The following CDH13 variants were observed in gnomAD, a reference collection of about 807,000 sequenced individuals.
CDH13 encodes the protein cadherin-13.
A neutral mutation model predicts 63.8 loss-of-function variants in CDH13; 24 were observed. The ratio of observed to expected loss-of-function variants is 0.38; its 90% CI spans 0.27 to 0.53. CDH13 has a LOEUF of 0.53. Among genes scored for constraint, CDH13 ranks in the 20% least tolerant of loss-of-function variants. The pLI, the probability that CDH13 is intolerant of heterozygous loss-of-function variation, is 0.85. For missense variants in CDH13, 1,049 were observed against 903.1 expected (o/e 1.16, Z -2.07); for synonymous variants, 503 against 355.3 (o/e 1.42, Z -4.67).
intron 2 of CDH13, among the ~76,000 whole-genome samples, chr16:82,982,440 A>G (rs1310502316): frequency 6.6e-6 from 1 of 152,172 alleles, no homozygotes; most frequent in Admixed American, 6.5e-5. Flanking sequence ...GTCCTAAAAA[A>G]TCTAAAGTGT....
chr16:82,887,320 G>T (rs2040924862), intron 2 of CDH13, among the ~76,000 whole-genome samples: 1 of 152,178 alleles, frequency 6.6e-6, no homozygotes, highest in Non-Finnish European at 1.5e-5. Flanking sequence ...GTCTAAATGA[G>T]AGTAAAGAAT....
chr16:83,046,107 C>G (rs750551503), intron 3 of CDH13, among the ~76,000 whole-genome samples: 1 of 152,204 alleles, frequency 6.6e-6, no homozygotes, highest in Non-Finnish European at 1.5e-5. Flanking sequence ...GGCCTAATCT[C>G]ATCATAGTTG....
At chr16:82,805,805 A>G (rs2037111545) in intron 1 of CDH13, among the ~76,000 whole-genome samples, 1 of 152,180 alleles carries the variant, frequency 6.6e-6, no homozygotes, top group African/African-American at 2.4e-5. Flanking sequence ...GTGCTATACC[A>G]TATCAGACAG....
intron 2 of CDH13, among the ~76,000 whole-genome samples, chr16:82,995,452 C>T (rs1912098654): frequency 6.6e-6 from 1 of 152,096 alleles, no homozygotes; most frequent in Non-Finnish European, 1.5e-5. Flanking sequence ...TCAGCTGAAA[C>T]GCAAACGTGG....
At chr16:83,655,954 T>C (rs1912831717) in intron 8 of CDH13, among the ~76,000 whole-genome samples, 1 of 152,142 alleles carries the variant, frequency 6.6e-6, no homozygotes, top group South Asian at 2.1e-4. Context: ...CCAAGGTTGG[T>C]AGGGGTGGGA....
chr16:83,170,018 T>C (rs1264059906), intron 4 of CDH13, among the ~76,000 whole-genome samples: 1 of 152,134 alleles, frequency 6.6e-6, no homozygotes, highest in Non-Finnish European at 1.5e-5. Flanking sequence ...TTCCAAATGT[T>C]ATTTTATTTT....
At chr16:83,108,327 T>TC (rs1382206007) in intron 3 of CDH13, among the ~76,000 whole-genome samples, 2 of 152,108 alleles carry the variant, frequency 1.3e-5, no homozygotes, top group African/African-American at 4.8e-5. Context: ...TGCAGAACTT[T>TC]CCCCTTAGTT....
rs149704093 is a variant in CDH13, at chr16:83,350,970, C to G, written c.781+5964C>G. On this transcript the variant is annotated intron_variant, in intron 6 of 13. Transcript: ENST00000567109. ...TTGGGACTAATGGCTATCCTGAGAG[C>G]TCAGCTTTGCTTGGAAGTTGCTATT... 1.7e-3 allele frequency among the ~76,000 whole-genome samples: 265 copies of G among 152,294 alleles called. 1 individual carries two copies. The highest frequency in any genetic ancestry group is 5.7e-3 in the African/African-American group (235 of 41,576).
At chr16:82,909,532 AACTG>A (rs1228515587) in intron 2 of CDH13, among the ~76,000 whole-genome samples, 1 of 149,190 alleles carries the variant, frequency 6.7e-6, no homozygotes, top group African/African-American at 2.4e-5. Flanking sequence ...AAATAGTTTT[AACTG>A]ACTAACAGTT....
At chr16:83,417,441 T>C in intron 6 of CDH13, among the ~76,000 whole-genome samples, 1 of 152,174 alleles carries the variant, frequency 6.6e-6, no homozygotes, top group East Asian at 1.9e-4. Flanking sequence ...ACTGTCCTCT[T>C]TATCTTAACC....
At chr16:82,800,552 A>T (rs2036800341) in intron 1 of CDH13, among the ~76,000 whole-genome samples, 1 of 152,220 alleles carries the variant, frequency 6.6e-6, no homozygotes, top group Non-Finnish European at 1.5e-5. Flanking sequence ...GTGTCATCAC[A>T]TTAACAAAGG....
At chr16:82,846,196 G>C (rs2039248400) in intron 1 of CDH13, among the ~76,000 whole-genome samples, 1 of 152,196 alleles carries the variant, frequency 6.6e-6, no homozygotes, top group South Asian at 2.1e-4. Flanking sequence ...AGGTTGTCAT[G>C]TGAAAAGTTT....
intron 7 of CDH13, among the ~76,000 whole-genome samples, chr16:83,518,876 T>C (rs542222676): frequency 4.3e-4 from 66 of 152,314 alleles, no homozygotes; most frequent in Middle Eastern, 3.4e-3. Context: ...TGATTGTACG[T>C]TTCCTGAAGC....
chr16:83,550,134 T>C (rs1039256302), intron 7 of CDH13, among the ~76,000 whole-genome samples: 2 of 152,246 alleles, frequency 1.3e-5, no homozygotes, highest in Non-Finnish European at 2.9e-5. Context: ...GGATGCACTT[T>C]GCCAGGGGAA....
chr16:83,310,934 A>G (rs2089986009), intron 5 of CDH13, among the ~76,000 whole-genome samples: 1 of 152,206 alleles, frequency 6.6e-6, no homozygotes, highest in African/African-American at 2.4e-5. Context: ...TTTTCACCCA[A>G]TCCACCTGAC....
chr16:83,792,517 G>C (rs549975299), intron 13 of CDH13, among the ~76,000 whole-genome samples: 5 of 152,230 alleles, frequency 3.3e-5, no homozygotes, highest in African/African-American at 1.2e-4. Flanking sequence ...GGAGACAGTT[G>C]AAATGTCTAG....
intron 11 of CDH13, among the ~76,000 whole-genome samples, chr16:83,767,397 C>G (rs1345204938): frequency 2.0e-5 from 3 of 152,150 alleles, no homozygotes; most frequent in African/African-American, 7.2e-5. Context: ...GGGAGTTCTC[C>G]TGCATGAGCT....
At chr16:82,803,016 C>A (rs972085772) in intron 1 of CDH13, among the ~76,000 whole-genome samples, 12 of 152,216 alleles carry the variant, frequency 7.9e-5, no homozygotes, top group African/African-American at 2.7e-4. Flanking sequence ...CGGTTTTCTT[C>A]CTTCCAGTGT....
intron 10 of CDH13, among the ~76,000 whole-genome samples, chr16:83,723,910 A>G (rs1175724921): frequency 6.6e-6 from 1 of 151,842 alleles, no homozygotes; most frequent in Non-Finnish European, 1.5e-5. Flanking sequence ...ATGGATGGAT[A>G]CATGAATTGA....
Sources: allele counts gnomAD v4.1 joint callset (sites outside exome capture counted in the v4.1 genomes callset), GRCh38; gene constraint gnomAD v4.1.1; transcripts MANE v1.5; gene names NCBI Gene and HGNC (gene_info 2026-07-23, HGNC 2026-07-21).